The following SLC37A1 variants were observed in gnomAD, a reference collection of about 807,000 sequenced individuals.
SLC37A1 encodes solute carrier family 37 member 1, also known as glucose-6-phosphate exchanger SLC37A1.
In SLC37A1, 49 loss-of-function variants were observed where a neutral mutation model predicts 75.3. That is an observed-to-expected ratio of 0.65 (90% CI 0.52 to 0.83). The LOEUF is 0.83. Among genes scored for constraint, SLC37A1 ranks in the 40% least tolerant of loss-of-function variants. The pLI is 0.00. For missense variants in SLC37A1, 566 were observed against 695.0 expected (o/e 0.81, Z 2.09); for synonymous variants, 268 against 292.1 (o/e 0.92, Z 0.84).
At chr21:42,550,788 G>A (rs1363490375) in intron 9 of SLC37A1, among the ~76,000 whole-genome samples, 1 of 152,252 alleles carries the variant, frequency 6.6e-6, no homozygotes, top group Non-Finnish European at 1.5e-5. Context: ...TAATGTTAAT[G>A]TAATACACCA....
chr21:42,515,622 G>GT (rs1325429565), intron 1 of SLC37A1, among the ~76,000 whole-genome samples: 3 of 152,152 alleles, frequency 2.0e-5, no homozygotes, highest in Non-Finnish European at 4.4e-5. Context: ...CCTAGGGTGG[G>GT]TTTTTTGAAG....
chr21:42,575,261 A>C (rs901228082), intron 18 of SLC37A1: 13 of 985,086 alleles, frequency 1.3e-5, no homozygotes, highest in Non-Finnish European at 1.4e-5. Context: ...AATGGGCATG[A>C]TAATGGCACC....
intron 3 of SLC37A1, 134 bp downstream of exon 3, chr21:42,525,991 T>A: frequency 1.7e-6 from 1 of 603,476 alleles, no homozygotes; most frequent in Non-Finnish European, 2.9e-6. Context: ...ATTCTGCTGC[T>A]TTGGCTTTTC....
At chr21:42,574,548 A>G (rs1050954468) in intron 17 of SLC37A1, among the ~76,000 whole-genome samples, 5 of 152,220 alleles carry the variant, frequency 3.3e-5, no homozygotes, top group African/African-American at 1.2e-4. Context: ...CAATTCTGAA[A>G]TGCCCCAGTG....
intron 17 of SLC37A1, among the ~76,000 whole-genome samples, chr21:42,570,441 C>T (rs1569042052): frequency 6.6e-6 from 1 of 152,178 alleles, no homozygotes. Context: ...TCCAGAGGGG[C>T]TTTGAGTGTA....
intron 18 of SLC37A1, chr21:42,576,085 C>T (rs2056301946): frequency 2.2e-6 from 1 of 462,100 alleles, no homozygotes; most frequent in Non-Finnish European, 2.8e-6. Context: ...AATATAAATA[C>T]ACAAGCTCAG....
rs888773406 is a variant in SLC37A1 at position 42,514,475 on chromosome 21, G to C, written c.-421G>C. 3.0e-4 allele frequency: 46 copies of C among 152,270 alleles called. No homozygotes were observed. Among genetic ancestry groups the C allele is most frequent in the African/African-American group, 1.1e-3 (44 of 41,466 alleles). The allele number at this position is 152,270 out of a possible 1,614,324, so 9.4% of individuals were successfully genotyped here. On this transcript the variant is annotated 5_prime_UTR_variant, in exon 1 of 20. Coordinates refer to ENST00000352133, the MANE Select transcript of SLC37A1 (RefSeq NM_001320537.2). The surrounding 1 kb of genome is among the most constrained non-coding windows in gnomAD (Gnocchi z 4.8). The stretch of plus-strand genomic sequence containing the variant: ...GCCCGCGGAATTCACCTCCTCCGGG[G>C]ACCAGCCGCCCAGGGAGGAGCCGGC...
chr21:42,527,472 T>C (rs2054826431), intron 3 of SLC37A1, among the ~76,000 whole-genome samples: 1 of 152,198 alleles, frequency 6.6e-6, no homozygotes, highest in East Asian at 1.9e-4. Context: ...GGCGTCAGGG[T>C]CAGCTCTTAG....
At chr21:42,568,248 C>A in intron 16 of SLC37A1, 112 bp from the exon 17 acceptor site, 1 of 811,386 alleles carries the variant, frequency 1.2e-6, no homozygotes. Context: ...ATGGGAAACA[C>A]CCTCACGATG....
Position 42,547,959 on chromosome 21 carries a change from T to C in SLC37A1, c.768+819T>C, listed in dbSNP as rs1214790108. 6.6e-6 allele frequency among the ~76,000 whole-genome samples: 1 copy of C among 152,092 alleles called. No homozygotes were observed. The highest frequency in any genetic ancestry group is 1.5e-5 in the Non-Finnish European group (1 of 68,002). Reference sequence around the variant, plus strand: ...ATCCCAGCAACGTCACCCGGACACATAGGGTGGTCAGCTCTCTGGCCTCAC... The same window carrying C: ...ATCCCAGCAACGTCACCCGGACACACAGGGTGGTCAGCTCTCTGGCCTCAC... On this transcript the variant is annotated intron_variant, in intron 9 of 19. Transcript: ENST00000352133. This position sits in a 1 kb window ranked among gnomAD's most constrained non-coding sequence, Gnocchi z 6.1.
intron 3 of SLC37A1, among the ~76,000 whole-genome samples, chr21:42,526,217 T>G (rs1397523155): frequency 6.6e-6 from 1 of 152,206 alleles, no homozygotes; most frequent in South Asian, 2.1e-4. Flanking sequence ...TAGGTCTGGC[T>G]GCGGAGGTGG....
intron 10 of SLC37A1, among the ~76,000 whole-genome samples, chr21:42,555,874 C>T (rs76828915): frequency 0.033 from 4,953 of 152,330 alleles, 275 homozygotes; most frequent in African/African-American, 0.11. Flanking sequence ...CGCATGCTGA[C>T]CTCGCTTACG....
intron 3 of SLC37A1, among the ~76,000 whole-genome samples, chr21:42,528,437 GA>G (rs900990126): frequency 6.6e-6 from 1 of 152,218 alleles, no homozygotes; most frequent in Non-Finnish European, 1.5e-5. Context: ...GCTTCCCGGA[GA>G]AGCTTAAACT....
upstream of SLC37A1, among the ~76,000 whole-genome samples, chr21:42,513,590 AG>A (rs2054462923): frequency 6.6e-6 from 1 of 151,882 alleles, no homozygotes; most frequent in Non-Finnish European, 1.5e-5. Flanking sequence ...GGAGCGCGCC[AG>A]CGAAAGCCCG....
At position 42,518,432 on chromosome 21, in the gene SLC37A1, CT is replaced by C. The variant is rs764757239; in HGVS notation, c.-22del. 10 of 1,614,038 alleles carry C rather than the reference CT, an allele frequency of 6.2e-6. No homozygotes were observed. In the East Asian group the frequency reaches 2.2e-4, roughly 36 times the overall value. On this transcript the variant is annotated 5_prime_UTR_variant, in exon 2 of 20. Coordinates refer to ENST00000352133, the MANE Select transcript of SLC37A1 (RefSeq NM_001320537.2). ...GAAGCATCTTATTCTGCGACCGAGGCTCAGTGGTCAGTGGCGACGTAAATGG... is the reference window on the plus strand; with the variant it reads ...GAAGCATCTTATTCTGCGACCGAGGCCAGTGGTCAGTGGCGACGTAAATGG...
chr21:42,572,677 C>CACA (rs1378861804), intron 17 of SLC37A1, among the ~76,000 whole-genome samples: 1 of 80,504 alleles, frequency 1.2e-5, no homozygotes, highest in Admixed American at 1.6e-4. Flanking sequence ...CACACACACA[C>CACA]AAAAAAAAAA....
At chr21:42,521,379 G>A (rs1029810559) in intron 2 of SLC37A1, among the ~76,000 whole-genome samples, 1 of 152,252 alleles carries the variant, frequency 6.6e-6, no homozygotes, top group Non-Finnish European at 1.5e-5. Context: ...TTTGGCTTCT[G>A]GGGGTTTGAG....
chr21:42,546,340 T>A (rs1347182089), intron 8 of SLC37A1, among the ~76,000 whole-genome samples: 1 of 152,224 alleles, frequency 6.6e-6, no homozygotes, highest in African/African-American at 2.4e-5. Flanking sequence ...CAAAGATGTT[T>A]GTTCCATATC....
At chr21:42,578,553 C>T (rs375148351) in intron 18 of SLC37A1, among the ~76,000 whole-genome samples, 4 of 152,108 alleles carry the variant, frequency 2.6e-5, no homozygotes, top group African/African-American at 7.2e-5. Flanking sequence ...AAGCCTGTGC[C>T]GGTAGTTGGA....
Sources: allele counts gnomAD v4.1 joint callset (sites outside exome capture counted in the v4.1 genomes callset), GRCh38; gene constraint gnomAD v4.1.1; non-coding constraint Gnocchi (gnomAD v3.1); transcripts MANE v1.5; gene names NCBI Gene and HGNC (gene_info 2026-07-23, HGNC 2026-07-21).